The following PLK3 variants were observed in gnomAD, a reference collection of about 807,000 sequenced individuals.
PLK3 encodes the protein serine/threonine-protein kinase PLK3.
A neutral mutation model predicts 71.6 loss-of-function variants in PLK3; 41 were observed. That is an observed-to-expected ratio of 0.57 (90% CI 0.45 to 0.74). The LOEUF (loss-of-function observed/expected upper bound fraction) is 0.74. Among genes scored for constraint, PLK3 ranks in the 30% least tolerant of loss-of-function variants. The probability of loss-of-function intolerance (pLI) is 0.00; values close to 1 mark genes in which losing one functional copy is unlikely to be tolerated. For missense variants in PLK3, 791 were observed against 875.6 expected, an observed-to-expected ratio of 0.90 and a Z score of 1.22; for synonymous variants, 366 against 355.4, an observed-to-expected ratio of 1.03 and a Z score of -0.33.
rs752569410 is a variant in PLK3 at position 44,802,843 on chromosome 1, T to G, written c.737T>G (p.Leu246Arg). 1 of 1,613,310 alleles carries G rather than the reference T, an allele frequency of 6.2e-7. No homozygotes were observed. Among genetic ancestry groups the G allele is most frequent in the Non-Finnish European group, 8.5e-7 (1 of 1,179,248 alleles). The change falls in exon 6 of 15, where the codon CTG becomes CGG. Residue 246 changes from leucine (L) to arginine (R), a missense_variant. Transcript: ENST00000372201. The part of the protein sequence containing the change: ...GHGPEADVWS[L>R]GCVMYTLLCG... ...GGCCCTGAGGCGGATGTATGGTCAC[T>G]GGGCTGTGTCATGTGAGTTGCAGGG...
chr1:44,804,242 C>G lies in PLK3; in HGVS notation c.1338C>G (p.Pro446=). 3.7e-6 allele frequency: 6 copies of G among 1,613,724 alleles called. No individual in the cohort carries two copies. Among genetic ancestry groups the G allele is most frequent in the Non-Finnish European group, 5.1e-6 (6 of 1,179,640 alleles). The change falls in exon 11 of 15, where the codon CCC becomes CCG. Residue 446 remains proline (P), a synonymous_variant. Coordinates refer to ENST00000372201, the MANE Select transcript of PLK3 (RefSeq NM_004073.4). ...CALRNCIAFM[P]PAEQNPAPLA... is the part of the protein sequence containing the mutation. ...TGAGAAATTGTATAGCCTTCATGCC[C>G]CCAGGTAAGGGTGGGGTCTGGTACA...
chr1:44,804,228 A>G lies in PLK3; in HGVS notation c.1324A>G (p.Ile442Val), dbSNP rs2148856437. 1.2e-6 allele frequency: 2 copies of G among 1,613,818 alleles called. No individual in the cohort carries two copies. ...ESALCALRNC[I>V]AFMPPAEQNP... is the part of the protein sequence containing the mutation. ...AGCCCTTTGTGCTCTGAGAAATTGT[A>G]TAGCCTTCATGCCCCCAGGTAAGGG... Residue 442 changes from isoleucine to valine, a missense_variant, in exon 11 of 15, where the codon ATA (isoleucine) becomes GTA (valine). Physicochemically the swap from Ile to Val is conservative, Grantham distance 29. Coordinates refer to ENST00000372201, the MANE Select transcript of PLK3 (RefSeq NM_004073.4).
chr1:44,800,531 C>A lies in PLK3; in HGVS notation c.68C>A (p.Pro23Gln). 6.8e-7 allele frequency: 1 copy of A among 1,463,758 alleles called. No individual in the cohort carries two copies. The highest frequency in any genetic ancestry group is 9.0e-7 in the Non-Finnish European group (1 of 1,115,964). The allele number at this position is 1,463,758 out of a possible 1,614,324, so 90.7% of individuals were successfully genotyped here. Residue 23 changes from proline (P) to glutamine (Q), a missense_variant, in exon 1 of 15, where the codon CCG becomes CAG. By Grantham distance (76) the Pro-to-Gln change is moderately conservative. Transcript: ENST00000372201. This position sits in a 1 kb window ranked among gnomAD's most constrained non-coding sequence, Gnocchi z 6.5. ...FQRAAAAPAP[P>Q]AGPGPPPSAL... Reference sequence around the variant, plus strand: ...CGTGCGGCCGCCGCGCCCGCTCCCCCGGCCGGGCCCGGGCCGCCTCCGAGT... The same window carrying A: ...CGTGCGGCCGCCGCGCCCGCTCCCCAGGCCGGGCCCGGGCCGCCTCCGAGT...
chr1:44,805,504 C>T lies in PLK3; in HGVS notation c.1767C>T (p.Asp589=). ...DGTVQVNFYG[D]HTKLILSGWE... is the part of the protein sequence containing the mutation. ...GTGTGCAGGTGAACTTCTACGGGGACCACACCAAGCTGATTCTCAGTGGCT... is the reference window on the plus strand; with the variant it reads ...GTGTGCAGGTGAACTTCTACGGGGATCACACCAAGCTGATTCTCAGTGGCT... Residue 589 remains aspartate, a synonymous_variant, in exon 15 of 15, where the codon GAC becomes GAT. Coordinates refer to ENST00000372201, the MANE Select transcript of PLK3 (RefSeq NM_004073.4). The T allele has an allele frequency of 6.2e-7, 1 of 1,614,140 alleles. No individual in the cohort carries two copies. Among genetic ancestry groups the T allele is most frequent in the Non-Finnish European group, 8.5e-7 (1 of 1,179,974 alleles).
chr1:44,804,087 G>A (rs1651928450), intron 10 of PLK3, 63 bp downstream of exon 10: 3 of 1,538,692 alleles, frequency 1.9e-6, no homozygotes, highest in East Asian at 2.3e-5. Context: ...GGGGCGAGAG[G>A]GAAGGAGTGG....
Position 44,800,931 on chromosome 1 carries a change from C to G in PLK3, c.302C>G (p.Pro101Arg), listed in dbSNP as rs1192687197. 8.7e-6 allele frequency: 14 copies of G among 1,612,936 alleles called. No homozygotes were observed. The highest frequency in any genetic ancestry group is 1.2e-5 in the Non-Finnish European group (14 of 1,179,906). Residue 101 changes from proline (P) to arginine (R), a missense_variant, in exon 2 of 15, where the codon CCG (proline) becomes CGG (arginine). Physicochemically the swap from Pro to Arg is moderately radical, Grantham distance 103. Coordinates refer to ENST00000372201, the MANE Select transcript of PLK3 (RefSeq NM_004073.4). The surrounding 1 kb of genome is among the most constrained non-coding windows in gnomAD (Gnocchi z 6.5). ...ATCCCGCAGAGCCGCGTCGCCAAGC[C>G]GCATCAGCGCGAGAAGGTGGGTCCA... Reference protein sequence around the residue: ...KVIPQSRVAKPHQREKILNEI... With the variant: ...KVIPQSRVAKRHQREKILNEI...
Position 44,804,659 on chromosome 1 carries a change from C to T in PLK3, c.1515C>T (p.His505=). The T allele has an allele frequency of 6.2e-7, 1 of 1,613,970 alleles. No individual in the cohort carries two copies. The highest frequency in any genetic ancestry group is 1.3e-5 in the African/African-American group (1 of 75,046). ...MALSANRKTV[H]YNPTSTKHFS... is the part of the protein sequence containing the mutation. ...TGCCTCCCCATTCTAGGACTGTGCA[C>T]TACAATCCCACCAGCACAAAGCACT... The change falls in exon 13 of 15, where the codon CAC becomes CAT. Residue 505 remains histidine (H), a synonymous_variant. Coordinates refer to ENST00000372201, the MANE Select transcript of PLK3 (RefSeq NM_004073.4).
Position 44,804,637 on chromosome 1 carries a change from C to T in PLK3, c.1506-13C>T. On this transcript the variant is annotated splice_polypyrimidine_tract_variant and intron_variant, in intron 12 of 14. Transcript: ENST00000372201. ...GTGCAGGGCTCCCTCTGACCTCTGC[C>T]TCCCCATTCTAGGACTGTGCACTAC... 1 of 1,612,054 alleles carries T rather than the reference C, an allele frequency of 6.2e-7. No homozygotes were observed. The highest frequency in any genetic ancestry group is 2.2e-5 in the East Asian group (1 of 44,830).
chr1:44,804,566 G>A, intron 12 of PLK3, 65 bp downstream of exon 12: 1 of 1,604,924 alleles, frequency 6.2e-7, no homozygotes. Context: ...ACCCTCGTGA[G>A]TGCTCCTGGG....
intron 11 of PLK3, 22 bp downstream of exon 11, chr1:44,804,268 TG>T (rs1557623845): frequency 6.2e-7 from 1 of 1,613,266 alleles, no homozygotes. Context: ...GTCTGGTACA[TG>T]CTGCTGTGGT....
rs1464490425 is a variant in PLK3 at position 44,804,044 on chromosome 1, G to A, written c.1258+20G>A. On this transcript the variant is annotated intron_variant, in intron 10 of 14. Coordinates refer to ENST00000372201, the MANE Select transcript of PLK3 (RefSeq NM_004073.4). ...GAGATGGTGAGGAGCCAGGGAGGATGAGAGGTGATAGAGGTTGCTGGAGCT... is the reference window on the plus strand; with the variant it reads ...GAGATGGTGAGGAGCCAGGGAGGATAAGAGGTGATAGAGGTTGCTGGAGCT... 2 of 1,549,870 alleles carry A rather than the reference G, an allele frequency of 1.3e-6. No individual in the cohort carries two copies. The highest frequency in any genetic ancestry group is 2.4e-5 in the East Asian group (1 of 42,408).
intron 5 of PLK3, among the ~76,000 whole-genome samples, chr1:44,802,342 T>C (rs1198336241): frequency 2.6e-5 from 4 of 152,096 alleles, no homozygotes; most frequent in Non-Finnish European, 5.9e-5. Context: ...CATCATACTT[T>C]GTGTGTGTGA....
Position 44,803,726 on chromosome 1 carries a change from C to A in PLK3, c.1164+35C>A, listed in dbSNP as rs772646765. On this transcript the variant is annotated intron_variant, in intron 9 of 14. Coordinates refer to ENST00000372201, the MANE Select transcript of PLK3 (RefSeq NM_004073.4). The surrounding 1 kb of genome is among the most constrained non-coding windows in gnomAD (Gnocchi z 4.3). ...TCAGGTGGACACTGTTCCCCTGACT[C>A]ACCCCCACCCTAGCAGCTGAGGGAA... is the stretch of plus-strand genomic sequence containing the variant. The A allele has an allele frequency of 4.0e-6, 6 of 1,484,684 alleles. No homozygotes were observed. The African/African-American group carries it at 6.9e-5, about 17-fold the overall frequency. The allele number at this position is 1,484,684 out of a possible 1,614,324, so 92.0% of individuals were successfully genotyped here. A position where few individuals can be genotyped will look rare whatever the true frequency, so the allele number is the denominator to read the frequency against.
In PLK3 at chr1:44,801,699, T is replaced by C; in HGVS notation, c.513T>C (p.Ser171=). The change falls in exon 4 of 15, where the codon TCT becomes TCC. Residue 171 remains serine, a synonymous_variant. Transcript: ENST00000372201. ...GCTACTACCTGCGGCAGATCCTTTC[T>C]GGCCTCAAGTACTTGCACCAGCGCG... The part of the protein sequence containing the change: ...EVRYYLRQIL[S]GLKYLHQRGI... 6.4e-7 allele frequency: 1 copy of C among 1,568,102 alleles called. No homozygotes were observed. The highest frequency in any genetic ancestry group is 2.4e-5 in the East Asian group (1 of 41,096).
In PLK3 at chr1:44,805,839, G is replaced by C. The variant is rs1365575670; in HGVS notation, c.*161G>C. The C allele has an allele frequency of 5.2e-6, 7 of 1,340,482 alleles. No individual in the cohort carries two copies. The highest frequency in any genetic ancestry group is 5.0e-6 in the Non-Finnish European group (5 of 1,001,192). 83.0% of individuals were successfully genotyped at this position (1,340,482 alleles called of 1,614,324 possible). A position where few individuals can be genotyped will look rare whatever the true frequency, so the allele number is the denominator to read the frequency against. Reference sequence around the variant, plus strand: ...AGTTGGGGGCGGCTTGTCTTCGCTGGCTCCTACCCCATCTCCAAGATAAGC... The same window carrying C: ...AGTTGGGGGCGGCTTGTCTTCGCTGCCTCCTACCCCATCTCCAAGATAAGC... On this transcript the variant is annotated 3_prime_UTR_variant, in exon 15 of 15. Coordinates refer to ENST00000372201, the MANE Select transcript of PLK3 (RefSeq NM_004073.4).
rs1162850918 is a variant in PLK3, at chr1:44,805,658, C to T, written c.1921C>T (p.Arg641Trp). Residue 641 changes from arginine to tryptophan, a missense_variant, in exon 15 of 15, where the codon CGG becomes TGG. Transcript: ENST00000372201. ...ACTCCGCTATGCTCTGCGCCTGCTC[C>T]GGGACCGCAGCCCAGCCTAGGACCC... is the stretch of plus-strand genomic sequence containing the variant. ...QRLRYALRLL[R>W]DRSPA 1.9e-6 allele frequency: 3 copies of T among 1,612,876 alleles called. No homozygotes were observed. The highest frequency in any genetic ancestry group is 2.5e-6 in the Non-Finnish European group (3 of 1,179,938).
chr1:44,802,701 A>T, intron 5 of PLK3, 59 bp from the exon 6 acceptor site: 1 of 1,143,366 alleles, frequency 8.7e-7, no homozygotes, highest in Non-Finnish European at 1.3e-6. Context: ...TGGGGGAAGG[A>T]GTCGGGGGGC....
Position 44,801,043 on chromosome 1 carries a change from A to G in PLK3, c.326A>G (p.Asn109Ser). The G allele has an allele frequency of 6.2e-7, 1 of 1,613,372 alleles. No homozygotes were observed. The highest frequency in any genetic ancestry group is 8.5e-7 in the Non-Finnish European group (1 of 1,179,606). The change falls in exon 3 of 15, where the codon AAT becomes AGT. Residue 109 changes from asparagine (N) to serine (S), a missense_variant. Transcript: ENST00000372201. ...TCCGCGCCCTCATCGCAGATCCTAA[A>G]TGAGATTGAGCTGCACCGAGACCTG... ...AKPHQREKIL[N>S]EIELHRDLQH... is the part of the protein sequence containing the mutation.
At position 44,804,332 on chromosome 1, in the gene PLK3, A is replaced by G. The variant is rs779907528; in HGVS notation, c.1343-7A>G. On this transcript the variant is annotated splice_region_variant and splice_polypyrimidine_tract_variant and intron_variant, in intron 11 of 14. Coordinates refer to ENST00000372201, the MANE Select transcript of PLK3 (RefSeq NM_004073.4). ...GCAGGTGCTGACTCCCTCCTCTCCC[A>G]TGACAGCGGAACAGAACCCGGCCCC... is the stretch of plus-strand genomic sequence containing the variant. The G allele has an allele frequency of 4.3e-6, 7 of 1,613,846 alleles. No individual in the cohort carries two copies. Among genetic ancestry groups the G allele is most frequent in the African/African-American group, 1.3e-5 (1 of 74,868 alleles).
Sources: allele counts gnomAD v4.1 joint callset (sites outside exome capture counted in the v4.1 genomes callset), GRCh38; gene constraint gnomAD v4.1.1; non-coding constraint Gnocchi (gnomAD v3.1); transcripts MANE v1.5; gene names NCBI Gene and HGNC (gene_info 2026-07-23, HGNC 2026-07-21).